Variants in ZMAT5 observed in about 807,000 individuals in gnomAD.
The protein encoded by ZMAT5 is zinc finger matrin-type 5, also known as zinc finger matrin-type protein 5.
In ZMAT5, 23 loss-of-function variants were observed where a neutral mutation model predicts 28.0. The ratio of observed to expected loss-of-function variants is 0.82; its 90% confidence interval spans 0.59 to 1.16. ZMAT5 has a LOEUF of 1.16. Among genes scored for constraint, ZMAT5 ranks in the 50% most tolerant of loss-of-function variants. The pLI is 0.00. For missense variants in ZMAT5, 173 were observed against 212.7 expected, an observed-to-expected ratio of 0.81 and a Z score of 1.16; for synonymous variants, 76 against 84.1, an observed-to-expected ratio of 0.90 and a Z score of 0.52.
intron 1 of ZMAT5, among the ~76,000 whole-genome samples, chr22:29,762,573 C>T (rs1223453349): frequency 3.3e-5 from 5 of 152,216 alleles, no homozygotes; most frequent in African/African-American, 9.6e-5. Flanking sequence ...CTAGGTTGCA[C>T]GCTCCTTATG....
intron 4 of ZMAT5, among the ~76,000 whole-genome samples, chr22:29,738,958 C>T (rs2067934997): frequency 6.6e-6 from 1 of 151,716 alleles, no homozygotes. Context: ...CTGCAGTGAG[C>T]TAAGATCGCA....
chr22:29,765,147 G>A (rs1196471501), intron 1 of ZMAT5, among the ~76,000 whole-genome samples: 4 of 152,092 alleles, frequency 2.6e-5, no homozygotes, highest in Admixed American at 1.3e-4. Flanking sequence ...AGCTGGACGC[G>A]GTGGCTCACA....
At chr22:29,755,156 G>A (rs1400554396) in intron 1 of ZMAT5, among the ~76,000 whole-genome samples, 2 of 151,832 alleles carry the variant, frequency 1.3e-5, no homozygotes, top group African/African-American at 2.4e-5. Flanking sequence ...TTAGCCAGGC[G>A]TGGTGGCACA....
At chr22:29,758,394 T>C (rs570869827) in intron 1 of ZMAT5, among the ~76,000 whole-genome samples, 22 of 152,318 alleles carry the variant, frequency 1.4e-4, no homozygotes, top group South Asian at 6.2e-4. Flanking sequence ...GAAAGGAGGA[T>C]TGCTTAAGTC....
At chr22:29,761,014 CCTGTAATCCCAGCA>C (rs1303873971) in intron 1 of ZMAT5, among the ~76,000 whole-genome samples, 3 of 152,176 alleles carry the variant, frequency 2.0e-5, no homozygotes, top group Non-Finnish European at 4.4e-5. Flanking sequence ...GTGGCTCACG[CCTGTAATCCCAGCA>C]CTTTGGGAGG....
intron 1 of ZMAT5, among the ~76,000 whole-genome samples, chr22:29,763,704 G>C (rs1026820096): frequency 4.6e-5 from 7 of 151,852 alleles, no homozygotes; most frequent in Non-Finnish European, 8.8e-5. Context: ...GGGTGGATCA[G>C]TTGAGCTCAG....
At chr22:29,735,857 C>T (rs2067899294) in intron 5 of ZMAT5, among the ~76,000 whole-genome samples, 1 of 152,214 alleles carries the variant, frequency 6.6e-6, no homozygotes, top group Non-Finnish European at 1.5e-5. Context: ...TTCATAGCGC[C>T]TTGTTTCAGC....
chr22:29,748,548 C>T lies in ZMAT5; in HGVS notation c.-4G>A, dbSNP rs2068030011. On this transcript the variant is annotated 5_prime_UTR_variant, in exon 2 of 6. Transcript: ENST00000344318. ...CACAGAAGTATCGCTTCCCCATGGC[C>T]ACTCAGAGCAGGTGCTTTGCTGCCT... is the stretch of plus-strand genomic sequence containing the variant. 1.9e-6 allele frequency: 3 copies of T among 1,614,002 alleles called. No individual in the cohort carries two copies. Among genetic ancestry groups the T allele is most frequent in the East Asian group, 4.5e-5 (2 of 44,880 alleles).
At chr22:29,754,128 AG>A (rs1304113189) in intron 1 of ZMAT5, among the ~76,000 whole-genome samples, 1 of 152,024 alleles carries the variant, frequency 6.6e-6, no homozygotes, top group African/African-American at 2.4e-5. Flanking sequence ...GGACAGCTGG[AG>A]TGTCTCTAAA....
chr22:29,754,374 A>T (rs1458711186), intron 1 of ZMAT5, among the ~76,000 whole-genome samples: 1 of 152,234 alleles, frequency 6.6e-6, no homozygotes, highest in Non-Finnish European at 1.5e-5. Flanking sequence ...CCAGCAGGTG[A>T]GAGTGCTGGC....
intron 1 of ZMAT5, among the ~76,000 whole-genome samples, chr22:29,765,233 A>C (rs1292665955): frequency 6.6e-6 from 1 of 151,970 alleles, no homozygotes; most frequent in Non-Finnish European, 1.5e-5. Flanking sequence ...AGCCTGGCCA[A>C]CATGGTGAAA....
chr22:29,740,035 G>A (rs576790898), intron 4 of ZMAT5, among the ~76,000 whole-genome samples: 2 of 152,328 alleles, frequency 1.3e-5, no homozygotes, highest in African/African-American at 2.4e-5. Flanking sequence ...GGGCTCACGC[G>A]AGGCCTTTCA....
intron 1 of ZMAT5, among the ~76,000 whole-genome samples, chr22:29,756,218 G>A (rs750492157): frequency 6.6e-6 from 1 of 152,170 alleles, no homozygotes; most frequent in African/African-American, 2.4e-5. Context: ...GCCAGAGGAC[G>A]GCTTTATTGC....
intron 1 of ZMAT5, among the ~76,000 whole-genome samples, chr22:29,750,875 C>G (rs912252069): frequency 1.3e-5 from 2 of 152,130 alleles, no homozygotes; most frequent in Non-Finnish European, 2.9e-5. Flanking sequence ...GCCATTCTTG[C>G]AGCAGACAGG....
chr22:29,734,234 C>A (rs1476815111), intron 5 of ZMAT5, among the ~76,000 whole-genome samples: 1 of 152,158 alleles, frequency 6.6e-6, no homozygotes, highest in Non-Finnish European at 1.5e-5. Flanking sequence ...GGTCAGTCTG[C>A]GGAGGGGGAT....
At chr22:29,749,755 T>C (rs968720209) in intron 1 of ZMAT5, among the ~76,000 whole-genome samples, 6 of 152,196 alleles carry the variant, frequency 3.9e-5, no homozygotes, top group African/African-American at 9.6e-5. Flanking sequence ...GGGGGTGGTT[T>C]CCCCCATGCT....
chr22:29,738,761 T>C (rs961734837), intron 4 of ZMAT5, among the ~76,000 whole-genome samples: 1 of 152,042 alleles, frequency 6.6e-6, no homozygotes. Context: ...CCCAGCACTT[T>C]GGGATGCCAA....
intron 4 of ZMAT5, among the ~76,000 whole-genome samples, chr22:29,739,024 A>AG (rs1479769616): frequency 1.5e-5 from 2 of 131,460 alleles, no homozygotes; most frequent in Non-Finnish European, 3.3e-5. Context: ...AAAAAAAAAA[A>AG]GAGAGAGAGA....
chr22:29,748,582 A>G lies in ZMAT5; in HGVS notation c.-27-11T>C. 6.2e-7 allele frequency: 1 copy of G among 1,613,276 alleles called. No homozygotes were observed. The highest frequency in any genetic ancestry group is 8.5e-7 in the Non-Finnish European group (1 of 1,179,888). On this transcript the variant is annotated splice_polypyrimidine_tract_variant and intron_variant, in intron 1 of 5. Transcript: ENST00000344318. The stretch of plus-strand genomic sequence containing the variant: ...CAGGTGCTTTGCTGCCTGGGAAGCC[A>G]CAAAGAGCTCAGATTAGACCATTGG...
Sources: gnomAD v4.1 joint callset for allele counts (sites outside exome capture counted in the v4.1 genomes callset) on GRCh38, gnomAD v4.1.1 for gene constraint, MANE v1.5 for transcripts, NCBI Gene and HGNC (gene_info 2026-07-23, HGNC 2026-07-21) for gene names.